Variants in FMR1 observed in about 807,000 individuals in gnomAD.
The protein encoded by FMR1 is fragile X messenger ribonucleoprotein 1.
In FMR1, 13 loss-of-function variants were observed where a neutral mutation model predicts 50.6. The observed-to-expected ratio is 0.26, with a 90% confidence interval of 0.17 to 0.41. The LOEUF is 0.41. Ranked by LOEUF, FMR1 falls within the 10% of genes least tolerant of loss-of-function variation. The pLI, the probability that FMR1 is intolerant of heterozygous loss-of-function variation, is 1.00. For synonymous variants in FMR1, 138 were observed against 164.1 expected (o/e 0.84, Z 1.22); for missense variants, 316 against 491.3 (o/e 0.64, Z 3.37).
chrX:147,915,847 G>A (rs1212522567), intron 1 of FMR1, among the ~76,000 whole-genome samples: 1 of 111,683 alleles, frequency 9.0e-6, no homozygotes, highest in African/African-American at 3.3e-5. Flanking sequence ...AAGTGTCAGG[G>A]CCATTAAGGG....
At chrX:147,937,396 A>T (rs2043828403) in intron 10 of FMR1, 70 bp from the exon 11 acceptor site, 2 of 674,883 alleles carry the variant, frequency 3.0e-6, no homozygotes, top group East Asian at 6.4e-5. Flanking sequence ...GATTGATAAC[A>T]CTAATAGAGC....
At chrX:147,927,283 C>T (rs1278436239) in intron 3 of FMR1, among the ~76,000 whole-genome samples, 1 of 111,800 alleles carries the variant, frequency 8.9e-6, no homozygotes, top group Admixed American at 9.4e-5. Flanking sequence ...GGTCACTTGA[C>T]AGATCGGGAC....
intron 1 of FMR1, chrX:147,912,748 C>A: frequency 3.4e-6 from 1 of 297,393 alleles, no homozygotes; most frequent in Non-Finnish European, 5.9e-6. Flanking sequence ...TCGGAGAGCT[C>A]CACTGTTCTG....
At chrX:147,921,224 A>C (rs2043147270) in intron 1 of FMR1, among the ~76,000 whole-genome samples, 1 of 108,685 alleles carries the variant, frequency 9.2e-6, no homozygotes, top group Non-Finnish European at 1.9e-5. Context: ...TTAATTTTAT[A>C]AAGTTACAGA....
intron 1 of FMR1, among the ~76,000 whole-genome samples, chrX:147,918,185 G>C (rs1035610337): frequency 9.0e-6 from 1 of 111,021 alleles, no homozygotes; most frequent in Non-Finnish European, 1.9e-5. Flanking sequence ...ATAAGGGGAA[G>C]GACAGAGCCA....
At chrX:147,916,673 GTTTC>G (rs1252579904) in intron 1 of FMR1, among the ~76,000 whole-genome samples, 2 of 86,569 alleles carry the variant, frequency 2.3e-5, no homozygotes, top group Non-Finnish European at 4.8e-5. Context: ...CCTTTAGTTT[GTTTC>G]TTTGTTTCTT....
At chrX:147,933,937 A>G (rs2124527043) in intron 9 of FMR1, among the ~76,000 whole-genome samples, 1 of 112,182 alleles carries the variant, frequency 8.9e-6, no homozygotes, top group South Asian at 3.6e-4. Context: ...AAATAGTAGG[A>G]AAATAATGCA....
intron 12 of FMR1, 195 bp from the exon 13 acceptor site, chrX:147,940,381 C>T (rs2043962620): frequency 2.4e-6 from 1 of 423,888 alleles, no homozygotes; most frequent in East Asian, 4.1e-5. Context: ...TGCTATTGAT[C>T]TATTCGTATT....
At chrX:147,947,121 T>C in intron 16 of FMR1, 1 of 53,490 alleles carries the variant, frequency 1.9e-5, no homozygotes, top group Non-Finnish European at 3.3e-5. Flanking sequence ...TGAAAATAGA[T>C]ACAAATCTGG....
chrX:147,943,270 G>A lies in FMR1; in HGVS notation c.1415G>A (p.Gly472Asp). 3 of 1,210,868 alleles carry A rather than the reference G, an allele frequency of 2.5e-6. No homozygotes were observed. The highest frequency in any genetic ancestry group is 3.4e-6 in the Non-Finnish European group (3 of 894,864). Residue 472 changes from glycine (G) to aspartate (D), a missense_variant, in exon 14 of 17, where the codon GGT becomes GAT. Physicochemically the swap from Gly to Asp is moderately conservative, Grantham distance 94. Coordinates refer to ENST00000370475, the MANE Select transcript of FMR1 (RefSeq NM_002024.6). The part of the protein sequence containing the change: ...VTDDGQGMGR[G>D]SRPYRNRGHG... Reference sequence around the variant, plus strand: ...GATGATGGTCAAGGAATGGGTCGAGGTAGTAGACCTTACAGAAATAGGGGG... The same window carrying A: ...GATGATGGTCAAGGAATGGGTCGAGATAGTAGACCTTACAGAAATAGGGGG...
rs1931673629 is a variant in FMR1, at chrX:147,912,102, C to CGGCGGA, written c.-73_-72insAGGCGG. Reference sequence around the variant, plus strand: ...GCGGAGGCGGCGGCGGCGGCGGCGGCGGCGGCGGCTGGGCCTCGAGCGCCC... The same window carrying CGGCGGA: ...GCGGAGGCGGCGGCGGCGGCGGCGGCGGCGGAGGCGGCGGCTGGGCCTCGAGCGCCC... On this transcript the variant is annotated 5_prime_UTR_variant, in exon 1 of 17. Transcript: ENST00000370475. 4.4e-6 allele frequency: 3 copies of CGGCGGA among 684,069 alleles called. No homozygotes were observed. In the African/African-American group the frequency reaches 7.4e-5, roughly 17 times the overall value. 56.4% of individuals were successfully genotyped at this position (684,069 alleles called of 1,213,427 possible). A position where few individuals can be genotyped will look rare whatever the true frequency, so the allele number is the denominator to read the frequency against.
At chrX:147,930,083 G>C (rs370567479) in intron 6 of FMR1, 42 bp downstream of exon 6, 44 of 1,134,772 alleles carry the variant, frequency 3.9e-5, no homozygotes, top group Non-Finnish European at 5.3e-5. Flanking sequence ...TAATTCATCT[G>C]GGGCAATTGC....
intron 1 of FMR1, chrX:147,912,692 C>T (rs1410323493): frequency 3.3e-6 from 1 of 298,600 alleles, no homozygotes; most frequent in African/African-American, 2.7e-5. Flanking sequence ...GCCAAGAGGG[C>T]TTCAGGTCTC....
intron 10 of FMR1, 99 bp from the exon 11 acceptor site, chrX:147,937,367 C>T: frequency 1.8e-6 from 1 of 565,478 alleles, no homozygotes; most frequent in East Asian, 3.4e-5. Flanking sequence ...TAATAACTTA[C>T]ATTTTTTAAA....
rs141552174 is a variant in FMR1 at position 147,939,355 on chromosome X, G to A, written c.1188+1194G>A. 5.3e-4 allele frequency among the ~76,000 whole-genome samples: 59 copies of A among 110,780 alleles called. No homozygotes were observed. In the East Asian group the frequency reaches 5.7e-3, roughly 11 times the overall value. On this transcript the variant is annotated intron_variant, in intron 12 of 16. Coordinates refer to ENST00000370475, the MANE Select transcript of FMR1 (RefSeq NM_002024.6). ...GTTCTTATGTTAAGTAGTGTCCATA[G>A]AGAGAAGTTCAAACTTTCCTTGTGA...
intron 3 of FMR1, among the ~76,000 whole-genome samples, chrX:147,926,123 G>A (rs1257022497): frequency 4.5e-5 from 5 of 112,021 alleles, no homozygotes; most frequent in African/African-American, 1.6e-4. Flanking sequence ...CTTTTTCACA[G>A]GTTATACCGT....
At chrX:147,929,179 TA>T (rs1557178165) in intron 5 of FMR1, among the ~76,000 whole-genome samples, 1 of 112,158 alleles carries the variant, frequency 8.9e-6, no homozygotes, top group Admixed American at 9.5e-5. Flanking sequence ...CTCTTTTACC[TA>T]AAATGTTTTC....
chrX:147,945,415 G>T, intron 15 of FMR1, 119 bp from the exon 16 acceptor site: 12 of 563,627 alleles, frequency 2.1e-5, no homozygotes, highest in Middle Eastern at 3.2e-4. Flanking sequence ...GGAATCACTG[G>T]GGTATTGATT....
chrX:147,936,482 A>G, intron 9 of FMR1, 22 bp from the exon 10 acceptor site: 2 of 1,058,047 alleles, frequency 1.9e-6, no homozygotes, highest in Non-Finnish European at 2.6e-6. Context: ...TTAAAACCAA[A>G]CTTGATTTAT....
Sources: gnomAD v4.1 joint callset for allele counts (sites outside exome capture counted in the v4.1 genomes callset) on GRCh38, gnomAD v4.1.1 for gene constraint, MANE v1.5 for transcripts, NCBI Gene and HGNC (gene_info 2026-07-23, HGNC 2026-07-21) for gene names.